TAF4: variants seen among roughly 807,000 people sequenced by gnomAD.
TAF4 encodes the protein transcription initiation factor TFIID subunit 4.
A neutral mutation model predicts 90.3 loss-of-function variants in TAF4; 9 were observed. The observed-to-expected ratio is 0.10, with a 90% CI of 0.06 to 0.17. The LOEUF (loss-of-function observed/expected upper bound fraction) is 0.17. Ranked by LOEUF, TAF4 falls within the 10% of genes least tolerant of loss-of-function variation. TAF4 has a pLI of 1.00. For missense variants in TAF4, 1,351 were observed against 1,370.7 expected (o/e 0.99, Z 0.23); for synonymous variants, 818 against 638.9 (o/e 1.28, Z -4.23).
At chr20:61,988,183 G>C (rs1189777665) in intron 14 of TAF4, among the ~76,000 whole-genome samples, 2 of 152,160 alleles carry the variant, frequency 1.3e-5, no homozygotes, top group East Asian at 3.8e-4. Flanking sequence ...CACACCAAGA[G>C]TGCACCCTGA....
At chr20:62,017,054 T>G (rs1156956830) in intron 1 of TAF4, among the ~76,000 whole-genome samples, 1 of 151,128 alleles carries the variant, frequency 6.6e-6, no homozygotes, top group Non-Finnish European at 1.5e-5. Context: ...GGTGGGAGGA[T>G]CATCTGAGTC....
intron 1 of TAF4, among the ~76,000 whole-genome samples, chr20:62,024,792 C>T (rs1454376793): frequency 6.6e-6 from 1 of 152,026 alleles, no homozygotes; most frequent in Non-Finnish European, 1.5e-5. Flanking sequence ...ATCGCGTGAA[C>T]CCAGGAGGCG....
chr20:62,061,114 G>GGAAT (rs2056086632), intron 1 of TAF4, among the ~76,000 whole-genome samples: 1 of 152,224 alleles, frequency 6.6e-6, no homozygotes, highest in African/African-American at 2.4e-5. Context: ...TAAACTTTTA[G>GGAAT]GAATGTCCCT....
At chr20:61,982,306 AC>A in intron 14 of TAF4, among the ~76,000 whole-genome samples, 1 of 91,876 alleles carries the variant, frequency 1.1e-5, no homozygotes, top group Non-Finnish European at 2.2e-5. Context: ...AGACACCAAA[AC>A]CCACACCCCA....
At chr20:62,042,863 A>G (rs2055971969) in intron 1 of TAF4, among the ~76,000 whole-genome samples, 1 of 149,384 alleles carries the variant, frequency 6.7e-6, no homozygotes, top group Non-Finnish European at 1.5e-5. Flanking sequence ...TATCATAGGG[A>G]TGACGGCTCC....
chr20:62,043,821 G>T (rs6061980), intron 1 of TAF4, among the ~76,000 whole-genome samples: 1 of 152,174 alleles, frequency 6.6e-6, no homozygotes, highest in African/African-American at 2.4e-5. Flanking sequence ...CTCGCACAAC[G>T]ATGACATTGC....
intron 1 of TAF4, among the ~76,000 whole-genome samples, chr20:62,015,785 C>T (rs2055808903): frequency 2.0e-5 from 3 of 152,204 alleles, no homozygotes; most frequent in Admixed American, 6.5e-5. Context: ...CCTCCTCCTG[C>T]GCTATGACGC....
At chr20:62,056,238 A>C (rs1041214729) in intron 1 of TAF4, among the ~76,000 whole-genome samples, 3 of 152,044 alleles carry the variant, frequency 2.0e-5, no homozygotes, top group African/African-American at 7.3e-5. Flanking sequence ...CTCTGTCTCG[A>C]AAAAAAAGAA....
intron 1 of TAF4, among the ~76,000 whole-genome samples, chr20:62,016,042 G>T (rs1333681628): frequency 1.3e-5 from 2 of 152,214 alleles, no homozygotes; most frequent in Non-Finnish European, 2.9e-5. Context: ...GCTCGGGAAC[G>T]AAGTAACAGG....
At chr20:62,056,451 C>T (rs905098834) in intron 1 of TAF4, among the ~76,000 whole-genome samples, 1 of 152,134 alleles carries the variant, frequency 6.6e-6, no homozygotes, top group Non-Finnish European at 1.5e-5. Flanking sequence ...TGATATGTAT[C>T]AAAGCCTTGA....
chr20:62,051,896 C>T (rs913310883), intron 1 of TAF4, among the ~76,000 whole-genome samples: 1 of 152,196 alleles, frequency 6.6e-6, no homozygotes, highest in Non-Finnish European at 1.5e-5. Context: ...ACAGGACATG[C>T]TCCATTCTGG....
At chr20:61,991,272 T>A (rs1027723927) in intron 14 of TAF4, among the ~76,000 whole-genome samples, 2 of 151,148 alleles carry the variant, frequency 1.3e-5, no homozygotes, top group Non-Finnish European at 3.0e-5. Flanking sequence ...TACAAAAAAA[T>A]TAGCTGGGTG....
chr20:61,990,976 T>G (rs1027673053), intron 14 of TAF4, among the ~76,000 whole-genome samples: 2 of 151,586 alleles, frequency 1.3e-5, no homozygotes, highest in Non-Finnish European at 2.9e-5. Context: ...CAGGCTCCCA[T>G]GAGAGAAAAA....
chr20:61,996,675 T>G (rs556006578), intron 14 of TAF4, among the ~76,000 whole-genome samples: 2 of 151,870 alleles, frequency 1.3e-5, no homozygotes, highest in South Asian at 4.2e-4. Context: ...GGCACACGTC[T>G]ATAGTCCCAG....
At chr20:62,064,314 G>A (rs1437739857) in intron 1 of TAF4, 137 bp downstream of exon 1, 3 of 1,057,318 alleles carry the variant, frequency 2.8e-6, no homozygotes, top group Admixed American at 4.2e-5. Flanking sequence ...CCTGGGTAGA[G>A]ACTGCCCCTC....
intron 1 of TAF4, among the ~76,000 whole-genome samples, chr20:62,062,188 T>C (rs2056092630): frequency 1.3e-5 from 2 of 152,246 alleles, no homozygotes; most frequent in Admixed American, 6.5e-5. Context: ...GCAAGAGTTA[T>C]TTTTATAAGT....
Position 62,064,860 on chromosome 20 carries a change from C to CGGGGCG in TAF4, c.945_950dup (p.Pro317_Ala318dup), listed in dbSNP as rs1216346732. On this transcript the variant is annotated inframe_insertion, in exon 1 of 15. Transcript: ENST00000252996. ...TGACCCCCGCGGGGCCCCCGGCGGC[C>CGGGGCG]GGGGCGGGGGCGGGGGCTGCCCCGG... 34 of 945,278 alleles carry CGGGGCG rather than the reference C, an allele frequency of 3.6e-5. No individual in the cohort carries two copies. The Admixed American group carries it at 4.0e-4, about 11-fold the overall frequency. 58.6% of individuals were successfully genotyped at this position (945,278 alleles called of 1,614,324 possible).
intron 13 of TAF4, 70 bp downstream of exon 13, chr20:61,998,066 G>T (rs2055674672): frequency 1.4e-6 from 2 of 1,470,320 alleles, no homozygotes; most frequent in Non-Finnish European, 1.9e-6. Context: ...GGTTTCCTTA[G>T]CCCCCCTCCC....
chr20:62,025,218 G>T (rs982490023), intron 1 of TAF4, among the ~76,000 whole-genome samples: 1 of 152,188 alleles, frequency 6.6e-6, no homozygotes. Context: ...ACAAAGGCTT[G>T]TACCTGGGTC....
Sources: allele counts gnomAD v4.1 joint callset (sites outside exome capture counted in the v4.1 genomes callset), GRCh38; gene constraint gnomAD v4.1.1; transcripts MANE v1.5; gene names NCBI Gene and HGNC (gene_info 2026-07-23, HGNC 2026-07-21).